The following DMD variants were observed in gnomAD, a reference collection of about 807,000 sequenced individuals.
DMD encodes mutant dystrophin.
DMD carries 63 observed loss-of-function variants against 330.1 expected under a neutral mutation model. The observed-to-expected ratio is 0.19, with a 90% CI of 0.16 to 0.24. The LOEUF is 0.24. Ranked by LOEUF, DMD falls within the 10% of genes least tolerant of loss-of-function variation. The pLI, the probability that DMD is intolerant of heterozygous loss-of-function variation, is 1.00. For synonymous variants in DMD, 1,223 were observed against 959.8 expected, an observed-to-expected ratio of 1.27 and a Z score of -5.07; for missense variants, 3,344 against 2,684.1, an observed-to-expected ratio of 1.25 and a Z score of -5.43.
intron 62 of DMD, among the ~76,000 whole-genome samples, chrX:31,291,054 G>T (rs975024759): frequency 4.5e-5 from 5 of 111,725 alleles, no homozygotes; most frequent in African/African-American, 1.3e-4. Flanking sequence ...TTTTAATATG[G>T]TAAATTAAAT....
At chrX:31,520,836 C>T (rs916158222) in intron 55 of DMD, among the ~76,000 whole-genome samples, 20 of 110,056 alleles carry the variant, frequency 1.8e-4, no homozygotes, top group African/African-American at 5.6e-4. Context: ...CCCGCCACCA[C>T]GCCCGGCTAA....
intron 62 of DMD, among the ~76,000 whole-genome samples, chrX:31,293,477 T>C (rs1038325948): frequency 9.0e-6 from 1 of 111,038 alleles, no homozygotes; most frequent in East Asian, 2.8e-4. Flanking sequence ...TGGGTAATGA[T>C]TTTTTGTTGT....
chrX:31,666,948 T>C (rs1325021305), intron 53 of DMD, among the ~76,000 whole-genome samples: 1 of 112,366 alleles, frequency 8.9e-6, no homozygotes, highest in Non-Finnish European at 1.9e-5. Flanking sequence ...AAAAGATCTG[T>C]AGTCAATGAC....
At chrX:32,561,663 C>A (rs1465508380) in intron 16 of DMD, among the ~76,000 whole-genome samples, 1 of 111,249 alleles carries the variant, frequency 9.0e-6, no homozygotes, top group Non-Finnish European at 1.9e-5. Flanking sequence ...AAGATACTCA[C>A]TGAGCAGAAG....
rs750928898 is a variant in DMD, at chrX:32,551,132, A to G, written c.1993-5798T>C. ...GAGCGGCTCCTTCCTAACTCATTCT[A>G]TGAGGGAAGCATTGTCCTGATACCA... On this transcript the variant is annotated intron_variant, in intron 16 of 78. Coordinates refer to ENST00000357033, the MANE Select transcript of DMD (RefSeq NM_004006.3). Among the ~76,000 whole-genome samples the G allele has an allele frequency of 5.4e-5, 6 of 111,333 alleles. No homozygotes were observed. In the South Asian group the frequency reaches 2.3e-3, roughly 42 times the overall value.
rs756448666 is a variant in DMD, at chrX:31,510,506, C to CTT, written c.8218-3055_8218-3054dup. Among the ~76,000 whole-genome samples the CTT allele has an allele frequency of 5.3e-4, 45 of 84,487 alleles. 1 individual carries two copies. Among genetic ancestry groups the CTT allele is most frequent in the Middle Eastern group, 5.8e-3 (1 of 171 alleles). 73.4% of individuals were successfully genotyped at this position (84,487 alleles called of 115,157 possible). A position where few individuals can be genotyped will look rare whatever the true frequency, so the allele number is the denominator to read the frequency against. On this transcript the variant is annotated intron_variant, in intron 55 of 78. Transcript: ENST00000357033. Reference sequence around the variant, plus strand: ...AATGAAAAATTGAATTCTGACTGCTCTTTTTTTTTTTTTTTTTTTGAGACA... The same window carrying CTT: ...AATGAAAAATTGAATTCTGACTGCTCTTTTTTTTTTTTTTTTTTTTTGAGACA...
At chrX:32,138,989 T>G (rs1479332859) in intron 44 of DMD, among the ~76,000 whole-genome samples, 1 of 112,565 alleles carries the variant, frequency 8.9e-6, no homozygotes, top group African/African-American at 3.2e-5. Context: ...GACGGAACTT[T>G]TTTTGGAAAC....
intron 7 of DMD, among the ~76,000 whole-genome samples, chrX:32,724,392 G>T (rs762292028): frequency 9.0e-6 from 1 of 111,504 alleles, no homozygotes; most frequent in Non-Finnish European, 1.9e-5. Flanking sequence ...CAAATCTAGA[G>T]TAGTCTACTA....
At chrX:32,967,489 T>TTA (rs756053373) in intron 2 of DMD, among the ~76,000 whole-genome samples, 1 of 111,541 alleles carries the variant, frequency 9.0e-6, no homozygotes, top group South Asian at 3.8e-4. Flanking sequence ...TGTAAAAAGT[T>TTA]TAGAGTTTTT....
chrX:32,742,360 C>T (rs563247796), intron 7 of DMD, among the ~76,000 whole-genome samples: 10 of 111,866 alleles, frequency 8.9e-5, no homozygotes, highest in African/African-American at 2.6e-4. Context: ...TAAAATACAT[C>T]AGAGAAGCCT....
rs186992038 is a variant in DMD at position 33,223,243 on chromosome X, G to A, written c.7+116016C>T. 2.6e-3 allele frequency among the ~76,000 whole-genome samples: 296 copies of A among 111,795 alleles called. 1 individual carries two copies. The highest frequency in any genetic ancestry group is 9.0e-3 in the African/African-American group (276 of 30,758). ...AAAGAATCGCTTGAACCCAGGAGGC[G>A]GAGATTGCAGTGAGCCGAGATCATG... On this transcript the variant is annotated intron_variant, in intron 1 of 17. Coordinates refer to the DMD transcript ENST00000288447.
intron 45 of DMD, among the ~76,000 whole-genome samples, chrX:31,939,387 A>G (rs1484194057): frequency 8.9e-6 from 1 of 111,981 alleles, no homozygotes; most frequent in East Asian, 2.8e-4. Flanking sequence ...ATGCCTCACT[A>G]TTAAGGAAAT....
chrX:31,908,740 A>G (rs956858431), intron 47 of DMD, among the ~76,000 whole-genome samples: 3 of 110,607 alleles, frequency 2.7e-5, no homozygotes, highest in African/African-American at 9.9e-5. Context: ...ATATACTTAT[A>G]TGAAAGATGT....
chrX:32,480,138 G>A (rs2041697580), intron 21 of DMD, among the ~76,000 whole-genome samples: 1 of 111,481 alleles, frequency 9.0e-6, no homozygotes, highest in Non-Finnish European at 1.9e-5. Context: ...AGGCACCAAT[G>A]GCCAACAGAT....
At chrX:33,020,079 A>G in intron 2 of DMD, 60 bp downstream of exon 2, 1 of 919,219 alleles carries the variant, frequency 1.1e-6, no homozygotes, top group South Asian at 2.1e-5. Flanking sequence ...ACAGGTACAT[A>G]GTCCATTTTG....
intron 2 of DMD, among the ~76,000 whole-genome samples, chrX:32,856,579 G>A (rs746604071): frequency 5.4e-5 from 6 of 112,042 alleles, no homozygotes; most frequent in African/African-American, 1.9e-4. Context: ...AACTTTGCAT[G>A]GGCTCACTCA....
chrX:32,331,611 C>T (rs1291826080), intron 41 of DMD, among the ~76,000 whole-genome samples: 1 of 111,233 alleles, frequency 9.0e-6, no homozygotes, highest in Non-Finnish European at 1.9e-5. Context: ...TATTTGACAA[C>T]ACATTGCATG....
intron 44 of DMD, among the ~76,000 whole-genome samples, chrX:32,175,330 A>T (rs996293441): frequency 9.1e-6 from 1 of 110,427 alleles, no homozygotes; most frequent in Admixed American, 9.7e-5. Flanking sequence ...AATCAGTAGG[A>T]TTCTAAAAGT....
At chrX:31,368,306 T>A (rs891108956) in intron 60 of DMD, among the ~76,000 whole-genome samples, 1 of 112,499 alleles carries the variant, frequency 8.9e-6, no homozygotes, top group Non-Finnish European at 1.9e-5. Context: ...TTCCTTTTTG[T>A]ATTTATACTT....
Sources: allele counts gnomAD v4.1 joint callset (sites outside exome capture counted in the v4.1 genomes callset), GRCh38; gene constraint gnomAD v4.1.1; transcripts MANE v1.5; gene names NCBI Gene and HGNC (gene_info 2026-07-23, HGNC 2026-07-21).